Variants in TATDN1 observed in about 807,000 individuals in gnomAD.
TATDN1 encodes the protein deoxyribonuclease TATDN1.
A neutral mutation model predicts 46.4 loss-of-function variants in TATDN1; 40 were observed. The observed-to-expected ratio is 0.86, with a 90% CI of 0.67 to 1.12. The LOEUF (loss-of-function observed/expected upper bound fraction) is 1.12. Among genes scored for constraint, TATDN1 ranks in the 50% most tolerant of loss-of-function variants. TATDN1 has a pLI of 0.00. For missense variants in TATDN1, 326 were observed against 348.4 expected, an observed-to-expected ratio of 0.94 and a Z score of 0.51; for synonymous variants, 95 against 105.6, an observed-to-expected ratio of 0.90 and a Z score of 0.62.
intron 6 of TATDN1, among the ~76,000 whole-genome samples, chr8:124,513,484 A>C (rs901680274): frequency 2.6e-5 from 4 of 152,254 alleles, no homozygotes; most frequent in Admixed American, 6.5e-5. Flanking sequence ...CATGCTGAGG[A>C]GGCACTTGGT....
At chr8:124,510,489 T>C (rs1303357622) in intron 6 of TATDN1, among the ~76,000 whole-genome samples, 3 of 152,148 alleles carry the variant, frequency 2.0e-5, no homozygotes, top group Non-Finnish European at 2.9e-5. Context: ...GATGGAAAAT[T>C]AGCTTCCTAT....
chr8:124,498,426 C>T (rs1356734116), intron 9 of TATDN1, among the ~76,000 whole-genome samples: 2 of 129,798 alleles, frequency 1.5e-5, no homozygotes, highest in Middle Eastern at 3.7e-3. Context: ...CCCCCACCCC[C>T]GGCCCCTGTG....
At chr8:124,529,671 G>C (rs1243284825) in intron 1 of TATDN1, among the ~76,000 whole-genome samples, 3 of 152,196 alleles carry the variant, frequency 2.0e-5, no homozygotes, top group Non-Finnish European at 4.4e-5. Context: ...CATTTCTCTT[G>C]CAAGCTTTCC....
At chr8:124,529,713 T>C (rs538359786) in intron 1 of TATDN1, among the ~76,000 whole-genome samples, 3 of 152,232 alleles carry the variant, frequency 2.0e-5, no homozygotes, top group Non-Finnish European at 2.9e-5. Context: ...AATGTAAATA[T>C]TGTGGGCACT....
rs1024959132 is a variant in TATDN1, at chr8:124,508,631, A to G, written c.447T>C (p.His149=). The G allele has an allele frequency of 2.5e-6, 4 of 1,602,474 alleles. No individual in the cohort carries two copies. In the African/African-American group the frequency reaches 5.4e-5, roughly 22 times the overall value. The change falls in exon 7 of 12, where the codon CAT becomes CAC. Residue 149 remains histidine (H), a synonymous_variant. Transcript: ENST00000276692. ...AAAATTCAGCATGTGAGTTTCGACA[A>G]TGAAGAAACATTGGTAATTTTGTTT... The part of the protein sequence containing the change: ...SEQTKLPMFL[H]CRNSHAEFLD...
At chr8:124,511,853 G>C (rs1819049391) in intron 6 of TATDN1, among the ~76,000 whole-genome samples, 2 of 152,082 alleles carry the variant, frequency 1.3e-5, no homozygotes, top group Non-Finnish European at 2.9e-5. Flanking sequence ...GTCACTATGG[G>C]CTTTATGTGC....
chr8:124,494,365 G>A (rs1172061950), intron 10 of TATDN1: 1 of 152,974 alleles, frequency 6.5e-6, no homozygotes, highest in Admixed American at 6.5e-5. Context: ...AACTGGTTTT[G>A]AATATTTTTT....
chr8:124,512,704 T>G (rs1819128826), intron 6 of TATDN1, among the ~76,000 whole-genome samples: 1 of 152,190 alleles, frequency 6.6e-6, no homozygotes, highest in Admixed American at 6.5e-5. Flanking sequence ...TGTGTGCCTT[T>G]GAGGAACTCA....
intron 9 of TATDN1, among the ~76,000 whole-genome samples, chr8:124,499,767 A>T (rs1311774383): frequency 6.6e-6 from 1 of 150,932 alleles, no homozygotes; most frequent in Non-Finnish European, 1.5e-5. Context: ...GATGGTCTCG[A>T]TCTCTTGACA....
At chr8:124,493,513 C>T (rs1817201879) in intron 11 of TATDN1, among the ~76,000 whole-genome samples, 1 of 152,162 alleles carries the variant, frequency 6.6e-6, no homozygotes, top group Admixed American at 6.5e-5. Context: ...AGGGGTTTGT[C>T]CTTAAGATCA....
chr8:124,504,014 C>T, intron 9 of TATDN1: 2 of 1,118,978 alleles, frequency 1.8e-6, no homozygotes, highest in Non-Finnish European at 1.2e-6. Flanking sequence ...CCAGAGAAAG[C>T]CAGCTGCAGA....
intron 3 of TATDN1, among the ~76,000 whole-genome samples, chr8:124,520,362 G>A (rs1229597024): frequency 4.6e-5 from 7 of 151,778 alleles, no homozygotes; most frequent in Non-Finnish European, 7.4e-5. Flanking sequence ...ACTTGAACCC[G>A]GGAGGCAGAG....
chr8:124,511,149 T>C (rs1237301886), intron 6 of TATDN1, among the ~76,000 whole-genome samples: 3 of 152,200 alleles, frequency 2.0e-5, no homozygotes, highest in Admixed American at 2.0e-4. Flanking sequence ...TGAAAATAAT[T>C]TTCCACTTGA....
At chr8:124,500,279 AAAT>A (rs1450051253) in intron 9 of TATDN1, among the ~76,000 whole-genome samples, 1 of 152,268 alleles carries the variant, frequency 6.6e-6, no homozygotes, top group East Asian at 1.9e-4. Context: ...TTAGATTTGA[AAAT>A]AAGAATATAA....
chr8:124,522,983 A>G lies in TATDN1; in HGVS notation c.42T>C (p.Thr14=). 6.2e-7 allele frequency: 1 copy of G among 1,613,254 alleles called. No homozygotes were observed. The highest frequency in any genetic ancestry group is 1.1e-5 in the South Asian group (1 of 91,046). Residue 14 remains threonine (T), a synonymous_variant, in exon 2 of 12, where the codon ACT becomes ACC. Transcript: ENST00000276692. The stretch of plus-strand genomic sequence containing the variant: ...TATAAATTCCTCTGAACATAGGGTC[A>G]GTCAAGTTGATACCAATATCTGTAG... ...FKFIDIGINL[T]DPMFRGIYRG...
chr8:124,496,287 A>C (rs926026428), intron 9 of TATDN1, among the ~76,000 whole-genome samples: 2 of 152,208 alleles, frequency 1.3e-5, no homozygotes, highest in African/African-American at 4.8e-5. Context: ...CCACTCTCAA[A>C]ATTCTACACC....
intron 11 of TATDN1, among the ~76,000 whole-genome samples, chr8:124,492,062 CCTCCCA>C (rs1817052874): frequency 6.6e-6 from 1 of 151,874 alleles, no homozygotes; most frequent in South Asian, 2.1e-4. Flanking sequence ...GCAACCTCCG[CCTCCCA>C]GGTTCAAGCG....
intron 1 of TATDN1, among the ~76,000 whole-genome samples, chr8:124,531,748 T>C (rs1382818122): frequency 1.3e-5 from 2 of 152,176 alleles, no homozygotes; most frequent in Admixed American, 1.3e-4. Flanking sequence ...CTTCAGGAGT[T>C]CACCTGGGTT....
chr8:124,493,991 G>A, intron 10 of TATDN1, 32 bp from the exon 11 acceptor site: 1 of 1,547,736 alleles, frequency 6.5e-7, no homozygotes, highest in Non-Finnish European at 8.7e-7. Context: ...CTCGTAAGGG[G>A]TTTACATTTT....
Sources: gnomAD v4.1 joint callset for allele counts (sites outside exome capture counted in the v4.1 genomes callset) on GRCh38, gnomAD v4.1.1 for gene constraint, MANE v1.5 for transcripts, NCBI Gene and HGNC (gene_info 2026-07-23, HGNC 2026-07-21) for gene names.